The following TENM2 variants were observed in gnomAD, a reference collection of about 807,000 sequenced individuals.
TENM2 encodes the protein teneurin-2.
TENM2 carries 52 observed loss-of-function variants against 245.2 expected under a neutral mutation model. The observed-to-expected ratio is 0.21, with a 90% CI of 0.17 to 0.27. TENM2 has a LOEUF of 0.27. Among genes scored for constraint, TENM2 ranks in the 10% least tolerant of loss-of-function variants. The pLI is 1.00. For synonymous variants in TENM2, 1,363 were observed against 1,438.9 expected (o/e 0.95, Z 1.19); for missense variants, 3,046 against 3,666.8 (o/e 0.83, Z 4.37).
chr5:167,370,341 CAAAAAAAAAA>C (rs35067759), intron 1 of TENM2, among the ~76,000 whole-genome samples: 4 of 73,474 alleles, frequency 5.4e-5, no homozygotes, highest in Non-Finnish European at 9.3e-5. Context: ...GACTCCGTCT[CAAAAAAAAAA>C]AAAAAAAAAA....
intron 2 of TENM2, among the ~76,000 whole-genome samples, chr5:167,743,472 G>C (rs1168228849): frequency 6.6e-6 from 1 of 152,220 alleles, no homozygotes; most frequent in South Asian, 2.1e-4. Flanking sequence ...TATTCGAACC[G>C]ACAAAAAGGC....
At chr5:167,709,659 G>A (rs536163933) in intron 2 of TENM2, among the ~76,000 whole-genome samples, 11 of 152,236 alleles carry the variant, frequency 7.2e-5, no homozygotes, top group South Asian at 2.1e-4. Context: ...TCTGTATATC[G>A]TACTCAATCT....
chr5:167,715,921 T>C (rs113355256), intron 2 of TENM2, among the ~76,000 whole-genome samples: 1,758 of 152,300 alleles, frequency 0.012, 32 homozygotes, highest in African/African-American at 0.041. Flanking sequence ...CGACTGAACA[T>C]GTTTTAAATA....
chr5:168,052,419 C>T (rs1562099535), intron 6 of TENM2, among the ~76,000 whole-genome samples: 1 of 151,504 alleles, frequency 6.6e-6, no homozygotes, highest in Admixed American at 6.6e-5. Flanking sequence ...CACACACACA[C>T]ATATATATGT....
At chr5:167,771,832 C>G (rs1763423999) in intron 2 of TENM2, among the ~76,000 whole-genome samples, 1 of 152,202 alleles carries the variant, frequency 6.6e-6, no homozygotes, top group Admixed American at 6.5e-5. Context: ...AAAAACTCAT[C>G]TTAAAGCTGA....
intron 25 of TENM2, among the ~76,000 whole-genome samples, chr5:168,236,412 CT>C (rs1209400650): frequency 6.6e-6 from 1 of 152,184 alleles, no homozygotes; most frequent in East Asian, 1.9e-4. Flanking sequence ...TGTGCAAGGC[CT>C]TTGCTCATCC....
intron 1 of TENM2, among the ~76,000 whole-genome samples, chr5:167,368,235 A>G (rs1368865747): frequency 6.6e-6 from 1 of 152,162 alleles, no homozygotes; most frequent in Non-Finnish European, 1.5e-5. Flanking sequence ...AACTAGGCAT[A>G]TTTTGCATAG....
chr5:167,608,655 A>C (rs1186132484), intron 2 of TENM2, among the ~76,000 whole-genome samples: 1 of 152,194 alleles, frequency 6.6e-6, no homozygotes, highest in African/African-American at 2.4e-5. Flanking sequence ...AGTAAAAAGC[A>C]GTTGTTAGTA....
At chr5:167,994,802 CACTT>C (rs1351894021) in intron 5 of TENM2, among the ~76,000 whole-genome samples, 2 of 152,132 alleles carry the variant, frequency 1.3e-5, no homozygotes, top group Non-Finnish European at 2.9e-5. Context: ...GTCTGCTTCT[CACTT>C]ACCTCTTGAT....
intron 2 of TENM2, among the ~76,000 whole-genome samples, chr5:167,398,175 C>T (rs1200920707): frequency 2.0e-5 from 3 of 152,060 alleles, no homozygotes; most frequent in Admixed American, 1.3e-4. Context: ...TGAAGACAAT[C>T]GAGGCTATAG....
intron 2 of TENM2, among the ~76,000 whole-genome samples, chr5:167,572,567 A>G (rs1277218973): frequency 5.3e-5 from 8 of 152,134 alleles, no homozygotes; most frequent in Admixed American, 5.2e-4. Context: ...GTAAGCAGTC[A>G]TTTTCACCAA....
intron 2 of TENM2, among the ~76,000 whole-genome samples, chr5:167,621,541 A>C (rs1266994959): frequency 6.6e-6 from 1 of 152,150 alleles, no homozygotes; most frequent in Non-Finnish European, 1.5e-5. Context: ...CCATTACTTC[A>C]CTGCCTGCAC....
At chr5:167,317,919 G>A (rs1346063898) in intron 1 of TENM2, among the ~76,000 whole-genome samples, 1 of 152,172 alleles carries the variant, frequency 6.6e-6, no homozygotes, top group Non-Finnish European at 1.5e-5. Flanking sequence ...ACTCTAGCAT[G>A]CCCTACCGCC....
chr5:167,258,090 C>T, the TENM2 span, among the ~76,000 whole-genome samples: 4 of 151,702 alleles, frequency 2.6e-5, no homozygotes, highest in Admixed American at 6.6e-5. Flanking sequence ...ATTTTAAGAA[C>T]ATAAATGTTT....
chr5:168,109,923 G>A (rs1562169963), intron 9 of TENM2, among the ~76,000 whole-genome samples: 3 of 152,018 alleles, frequency 2.0e-5, no homozygotes, highest in Admixed American at 2.0e-4. Flanking sequence ...GCTCCAAAAC[G>A]CGGCAGCTCC....
In TENM2 at chr5:168,218,029, CT is replaced by C; in HGVS notation, c.4234-90del. ...ATACAATGTGTTATTAAAAAGCTGT[CT>C]TTTTTCCTAGATATATAAAACCAGT... On this transcript the variant is annotated intron_variant, in intron 22 of 28. Coordinates refer to ENST00000518659, the Ensembl canonical transcript of TENM2. This position sits in a 1 kb window ranked among gnomAD's most constrained non-coding sequence, Gnocchi z 5.2. 7.3e-7 allele frequency: 1 copy of C among 1,376,232 alleles called. No individual in the cohort carries two copies. The highest frequency in any genetic ancestry group is 9.9e-7 in the Non-Finnish European group (1 of 1,011,282). 85.3% of individuals were successfully genotyped at this position (1,376,232 alleles called of 1,614,324 possible).
intron 2 of TENM2, among the ~76,000 whole-genome samples, chr5:167,620,692 C>G (rs142657135): frequency 2.6e-5 from 4 of 151,262 alleles, no homozygotes; most frequent in African/African-American, 4.9e-5. Flanking sequence ...TCTAGACTTA[C>G]AATCCTCTCC....
chr5:167,549,330 C>T (rs531071790), intron 2 of TENM2, among the ~76,000 whole-genome samples: 1 of 152,002 alleles, frequency 6.6e-6, no homozygotes, highest in South Asian at 2.1e-4. Flanking sequence ...TATCTGTGTC[C>T]TAAAAATAAA....
chr5:168,042,927 A>T (rs978954865), intron 5 of TENM2, among the ~76,000 whole-genome samples: 3 of 152,062 alleles, frequency 2.0e-5, no homozygotes, highest in Admixed American at 1.3e-4. Context: ...GCCCTTCCCC[A>T]TCCCATCCTT....
Sources: gnomAD v4.1 joint callset for allele counts (sites outside exome capture counted in the v4.1 genomes callset) on GRCh38, gnomAD v4.1.1 for gene constraint, Gnocchi (gnomAD v3.1) non-coding constraint, MANE v1.5 for transcripts, NCBI Gene and HGNC (gene_info 2026-07-23, HGNC 2026-07-21) for gene names.